The following CTNNA2 variants were observed in gnomAD, a reference collection of about 807,000 sequenced individuals.
CTNNA2 encodes the protein catenin alpha-2.
In CTNNA2, 42 loss-of-function variants were observed where a neutral mutation model predicts 101.0. That is an observed-to-expected ratio of 0.42 (90% CI 0.32 to 0.54). The LOEUF is 0.54. CTNNA2 is among the 20% of genes least tolerant of loss of function. The pLI is 0.14. For synonymous variants in CTNNA2, 450 were observed against 456.4 expected, an observed-to-expected ratio of 0.99 and a Z score of 0.18; for missense variants, 871 against 1,223.1, an observed-to-expected ratio of 0.71 and a Z score of 4.29.
At chr2:79,767,909 G>A (rs759539994) in intron 3 of CTNNA2, among the ~76,000 whole-genome samples, 53 of 151,650 alleles carry the variant, frequency 3.5e-4, no homozygotes, top group Non-Finnish European at 6.2e-4. Flanking sequence ...GTTAGAGGAA[G>A]GGTGATGCCA....
intron 7 of CTNNA2, among the ~76,000 whole-genome samples, chr2:80,143,268 A>T (rs1399994029): frequency 6.6e-6 from 1 of 152,154 alleles, no homozygotes; most frequent in Non-Finnish European, 1.5e-5. Flanking sequence ...GGACATCAGA[A>T]TGACTTCTAT....
At chr2:80,531,637 A>G (rs1221042994) in intron 9 of CTNNA2, among the ~76,000 whole-genome samples, 1 of 152,142 alleles carries the variant, frequency 6.6e-6, no homozygotes, top group African/African-American at 2.4e-5. Context: ...CTTCTGCTCC[A>G]TGCCTATCTC....
chr2:80,545,122 A>C, intron 10 of CTNNA2, 48 bp downstream of exon 10: 1 of 1,568,128 alleles, frequency 6.4e-7, no homozygotes. Flanking sequence ...GACCTTCTCC[A>C]CTCCAGCCCT....
In CTNNA2 at chr2:79,471,844, C is replaced by CA. The variant is rs1025971380; in HGVS notation, c.-134-33200dup. 9.1e-4 allele frequency among the ~76,000 whole-genome samples: 133 copies of CA among 145,992 alleles called. 2 individuals carry two copies. In the Middle Eastern group the frequency reaches 0.01, roughly 11 times the overall value. On this transcript the variant is annotated intron_variant, in intron 4 of 21. Coordinates refer to the CTNNA2 transcript ENST00000466387. ...CAGAGTGAGACTCTGTCTCAAAAAA[C>CA]AAAAAAAAAAGATTTTAACATATCA...
chr2:80,332,749 C>T lies in CTNNA2; in HGVS notation c.1057-60462C>T, dbSNP rs1444526208. ...ACAAGAAGAAAAGGAAGGCATTTAG[C>T]GTGAGCTTTTAAGTAATTCTGCTTG... On this transcript the variant is annotated intron_variant, in intron 7 of 18. Coordinates refer to ENST00000402739, the MANE Select transcript of CTNNA2 (RefSeq NM_001282597.3). Among the ~76,000 whole-genome samples the T allele has an allele frequency of 9.9e-5, 15 of 152,168 alleles. No individual in the cohort carries two copies. The East Asian group carries it at 1.4e-3, about 14-fold the overall frequency.
rs34087238 is a variant in CTNNA2 at position 79,531,195 on chromosome 2, CATATATATATATATATATATATATATAT to C, written c.-6+18002_-6+18029del. Among the ~76,000 whole-genome samples the C allele has an allele frequency of 1.9e-3, 205 of 110,282 alleles. 1 individual carries two copies. Among genetic ancestry groups the C allele is most frequent in the African/African-American group, 6.3e-3 (198 of 31,338 alleles). 72.3% of individuals were successfully genotyped at this position (110,282 alleles called of 152,430 possible). A position where few individuals can be genotyped will look rare whatever the true frequency, so the allele number is the denominator to read the frequency against. ...TTATTTATTAGTAAATAGATACGCT[CATATATATATATATATATATATATATAT>C]ATATATATATATAGCTTGAGGGTAA... is the stretch of plus-strand genomic sequence containing the variant. On this transcript the variant is annotated intron_variant, in intron 1 of 18. Transcript: ENST00000402739.
chr2:79,346,030 G>A (rs1033943467), intron 3 of CTNNA2, among the ~76,000 whole-genome samples: 2 of 152,026 alleles, frequency 1.3e-5, no homozygotes, highest in African/African-American at 4.8e-5. Flanking sequence ...AAACTTCAGA[G>A]TTTTGGGAGC....
chr2:79,289,195 C>A (rs1252798318), intron 2 of CTNNA2, among the ~76,000 whole-genome samples: 1 of 152,102 alleles, frequency 6.6e-6, no homozygotes, highest in South Asian at 2.1e-4. Context: ...ACTATAGATT[C>A]CACCTCCTCA....
rs140949595 is a variant in CTNNA2 at position 79,419,906 on chromosome 2, G to A, written c.-135+45893G>A. Among the ~76,000 whole-genome samples the A allele has an allele frequency of 1.6e-3, 239 of 152,100 alleles. 2 individuals carry two copies. Among genetic ancestry groups the A allele is most frequent in the African/African-American group, 5.6e-3 (234 of 41,508 alleles). On this transcript the variant is annotated intron_variant, in intron 4 of 21. Coordinates refer to the CTNNA2 transcript ENST00000466387. The stretch of plus-strand genomic sequence containing the variant: ...TTTTCTTAATTCTTTTGTTATTGTT[G>A]TTGTGATGATGATGATGTTTCCTCT...
chr2:80,158,193 AGGTCTGTGTTCCTT>A (rs1261237331), intron 7 of CTNNA2, among the ~76,000 whole-genome samples: 1 of 152,180 alleles, frequency 6.6e-6, no homozygotes, highest in East Asian at 1.9e-4. Flanking sequence ...GGTTGCCCCA[AGGTCTGTGTTCCTT>A]CTTGGCCTCT....
At chr2:79,847,430 C>A (rs1292528705) in intron 3 of CTNNA2, among the ~76,000 whole-genome samples, 3 of 149,634 alleles carry the variant, frequency 2.0e-5, no homozygotes, top group Non-Finnish European at 4.4e-5. Context: ...ATAATCCCAG[C>A]TACTCAGGGG....
chr2:80,522,199 CAG>C (rs894589045), intron 9 of CTNNA2, among the ~76,000 whole-genome samples: 66 of 152,246 alleles, frequency 4.3e-4, no homozygotes, highest in African/African-American at 1.5e-3. Flanking sequence ...TACTCATTTG[CAG>C]AGAGAGTCAG....
At chr2:80,606,383 C>T (rs924451023) in intron 16 of CTNNA2, among the ~76,000 whole-genome samples, 18 of 109,718 alleles carry the variant, frequency 1.6e-4, no homozygotes, top group African/African-American at 7.2e-4. Flanking sequence ...CACACACACA[C>T]ACACACACAC....
At chr2:80,536,622 G>A (rs1384010451) in intron 9 of CTNNA2, among the ~76,000 whole-genome samples, 1 of 152,176 alleles carries the variant, frequency 6.6e-6, no homozygotes, top group Admixed American at 6.5e-5. Context: ...CCAGAAAAAG[G>A]GAAAATGTTC....
chr2:80,555,636 T>C lies in CTNNA2; in HGVS notation c.1541-57T>C, dbSNP rs1159133764. The C allele has an allele frequency of 7.7e-6, 8 of 1,036,240 alleles. No homozygotes were observed. The Admixed American group carries it at 1.1e-4, about 15-fold the overall frequency. 64.2% of individuals were successfully genotyped at this position (1,036,240 alleles called of 1,614,324 possible). On this transcript the variant is annotated intron_variant, in intron 11 of 18. Transcript: ENST00000402739. ...CTCATGAGAGTTGAATCAATTTTAATTGGTTAAGTTCTGAGTTATGTAAAG... is the reference window on the plus strand; with the variant it reads ...CTCATGAGAGTTGAATCAATTTTAACTGGTTAAGTTCTGAGTTATGTAAAG...
intron 9 of CTNNA2, among the ~76,000 whole-genome samples, chr2:80,543,209 A>C (rs1018773924): frequency 6.6e-6 from 1 of 152,214 alleles, no homozygotes; most frequent in Non-Finnish European, 1.5e-5. Context: ...TATAGAATAC[A>C]GATGTAACAA....
intron 7 of CTNNA2, among the ~76,000 whole-genome samples, chr2:80,353,140 T>G (rs749998076): frequency 1.3e-5 from 2 of 152,102 alleles, no homozygotes; most frequent in Non-Finnish European, 2.9e-5. Context: ...CAGAGCGATC[T>G]TGCTCATCAA....
intron 4 of CTNNA2, among the ~76,000 whole-genome samples, chr2:79,380,255 T>C (rs957013953): frequency 6.4e-5 from 5 of 77,752 alleles, no homozygotes; most frequent in East Asian, 4.1e-4. Context: ...TCTGTTCTTT[T>C]CTTTCTTTTT....
chr2:80,095,741 T>C (rs1031774561), intron 7 of CTNNA2, among the ~76,000 whole-genome samples: 6 of 152,192 alleles, frequency 3.9e-5, no homozygotes, highest in African/African-American at 1.2e-4. Context: ...GGAGGGTGTA[T>C]GTGTCGAGGA....
Sources: allele counts gnomAD v4.1 joint callset (sites outside exome capture counted in the v4.1 genomes callset), GRCh38; gene constraint gnomAD v4.1.1; transcripts MANE v1.5; gene names NCBI Gene and HGNC (gene_info 2026-07-23, HGNC 2026-07-21).